Variants in SIDT1 observed in about 807,000 individuals in gnomAD.
SIDT1 encodes the protein SID1 transmembrane family, member 1.
SIDT1 carries 101 observed loss-of-function variants against 107.5 expected under a neutral mutation model. The ratio of observed to expected loss-of-function variants is 0.94; its 90% CI spans 0.80 to 1.11. The LOEUF (loss-of-function observed/expected upper bound fraction) is 1.11. Ranked by LOEUF, SIDT1 falls within the 50% of genes least tolerant of loss-of-function variation. SIDT1 has a pLI of 0.00. For missense variants in SIDT1, 1,076 were observed against 1,058.2 expected (o/e 1.02, Z -0.23); for synonymous variants, 395 against 398.2 (o/e 0.99, Z 0.10).
At chr3:113,571,414 C>G (rs1942434893) in intron 3 of SIDT1, among the ~76,000 whole-genome samples, 1 of 151,924 alleles carries the variant, frequency 6.6e-6, no homozygotes, top group Non-Finnish European at 1.5e-5. Flanking sequence ...GAGACCCCAT[C>G]TCTGCAAAAT....
At chr3:113,586,095 T>TACA (rs1220990190) in intron 9 of SIDT1, among the ~76,000 whole-genome samples, 76 of 152,320 alleles carry the variant, frequency 5.0e-4, no homozygotes, top group African/African-American at 1.7e-3. Context: ...ACCTCAGTGA[T>TACA]ACAACTACGT....
chr3:113,622,941 G>A (rs963002812), intron 21 of SIDT1, among the ~76,000 whole-genome samples: 9 of 151,904 alleles, frequency 5.9e-5, no homozygotes, highest in African/African-American at 2.2e-4. Context: ...TAATCCCAGG[G>A]CTTTGGGAGG....
At chr3:113,588,268 G>C (rs1005719038) in intron 9 of SIDT1, among the ~76,000 whole-genome samples, 1 of 152,196 alleles carries the variant, frequency 6.6e-6, no homozygotes. Context: ...TATAGACAAA[G>C]TGGAAATAGA....
chr3:113,544,557 AG>A (rs1289895753), intron 1 of SIDT1, among the ~76,000 whole-genome samples: 2 of 152,144 alleles, frequency 1.3e-5, no homozygotes, highest in Non-Finnish European at 2.9e-5. Flanking sequence ...GTCTTTCAGG[AG>A]TTCAACATTT....
Position 113,601,620 on chromosome 3 carries a change from G to C in SIDT1, c.1078G>C (p.Ala360Pro). Residue 360 changes from alanine (A) to proline (P), a missense_variant, in exon 11 of 25, where the codon GCT becomes CCT. Ala to Pro is a conservative substitution (Grantham distance 27, BLOSUM62 -1). Coordinates refer to ENST00000264852, the MANE Select transcript of SIDT1 (RefSeq NM_017699.3). ...AAATATGGTGGCATCTCATCCCATT[G>C]CTGCCAGCACACCCGAAGGGAGCAA... ...SGNMVASHPI[A>P]ASTPEGSNYG... is the part of the protein sequence containing the mutation. 9 of 1,613,860 alleles carry C rather than the reference G, an allele frequency of 5.6e-6. No homozygotes were observed. Among genetic ancestry groups the C allele is most frequent in the Non-Finnish European group, 7.6e-6 (9 of 1,179,830 alleles).
intron 7 of SIDT1, among the ~76,000 whole-genome samples, chr3:113,584,204 G>C (rs1330051767): frequency 6.6e-6 from 1 of 152,218 alleles, no homozygotes; most frequent in East Asian, 1.9e-4. Context: ...ATTTCTCCTA[G>C]TGTGTTCTTT....
At chr3:113,611,980 T>C (rs1269748736) in intron 18 of SIDT1, 106 bp from the exon 19 acceptor site, 16 of 747,992 alleles carry the variant, frequency 2.1e-5, no homozygotes, top group Admixed American at 1.1e-4. Flanking sequence ...AAATAGAATG[T>C]GCACACAGCT....
Position 113,586,993 on chromosome 3 carries a change from T to C in SIDT1, c.1001+1723T>C, listed in dbSNP as rs79900285. On this transcript the variant is annotated intron_variant, in intron 9 of 24. Transcript: ENST00000264852. ...GAAAAATATTCAACAAAGGACATTA[T>C]TGAGTCAATTGACAAAACTGGAATA... is the stretch of plus-strand genomic sequence containing the variant. 8.3e-3 allele frequency among the ~76,000 whole-genome samples: 1,266 copies of C among 152,314 alleles called. 17 individuals carry two copies. Among genetic ancestry groups the C allele is most frequent in the African/African-American group, 0.028 (1,179 of 41,564 alleles).
At chr3:113,579,236 G>C (rs1221455132) in intron 4 of SIDT1, among the ~76,000 whole-genome samples, 1 of 152,124 alleles carries the variant, frequency 6.6e-6, no homozygotes, top group South Asian at 2.1e-4. Flanking sequence ...TGTCAGGCAG[G>C]GGTCAAAAAC....
In SIDT1 at chr3:113,581,380, A is replaced by G; in HGVS notation, c.683A>G (p.Asp228Gly). 1.9e-6 allele frequency: 3 copies of G among 1,613,218 alleles called. No homozygotes were observed. Among genetic ancestry groups the G allele is most frequent in the Non-Finnish European group, 2.5e-6 (3 of 1,179,654 alleles). The change falls in exon 6 of 25, where the codon GAC becomes GGC. Residue 228 changes from aspartate (D) to glycine (G), a missense_variant. Physicochemically the swap from Asp to Gly is moderately conservative, Grantham distance 94. Transcript: ENST00000264852. ...CTGCAGTGCCCGGTGTATGATCTCGACCACAATGTGGAATTTAATGGTGTC... is the reference window on the plus strand; with the variant it reads ...CTGCAGTGCCCGGTGTATGATCTCGGCCACAATGTGGAATTTAATGGTGTC... ...QNIMCPVYDLDHNVEFNGVYQ... is the reference protein window; with the variant it reads ...QNIMCPVYDLGHNVEFNGVYQ...
At chr3:113,565,934 G>C (rs1941860312) in intron 1 of SIDT1, among the ~76,000 whole-genome samples, 1 of 152,134 alleles carries the variant, frequency 6.6e-6, no homozygotes, top group Admixed American at 6.5e-5. Flanking sequence ...GGGTGGCTTT[G>C]TGTGTGTTGT....
At position 113,587,154 on chromosome 3, in the gene SIDT1, C is replaced by G. The variant is rs73855955; in HGVS notation, c.1001+1884C>G. Among the ~76,000 whole-genome samples the G allele has an allele frequency of 4.2e-3, 643 of 152,032 alleles. 2 individuals are homozygous for G. Among genetic ancestry groups the G allele is most frequent in the African/African-American group, 0.015 (620 of 41,482 alleles). ...TTAGGTCTTGGTTGTATGCAAGTTA[C>G]TTTCAAATGGTCCAGGAAAAAAAAG... On this transcript the variant is annotated intron_variant, in intron 9 of 24. Transcript: ENST00000264852.
rs765940791 is a variant in SIDT1, at chr3:113,532,722, C to T, written c.-300C>T. 30 of 332,008 alleles carry T rather than the reference C, an allele frequency of 9.0e-5. No homozygotes were observed. The highest frequency in any genetic ancestry group is 1.4e-4 in the Non-Finnish European group (26 of 183,998). 20.6% of individuals were successfully genotyped at this position (332,008 alleles called of 1,614,324 possible). On this transcript the variant is annotated 5_prime_UTR_variant, in exon 1 of 25. Transcript: ENST00000264852. Reference sequence around the variant, plus strand: ...CTGGCTGGGTAAGTGGGGGGATTCTCGGCGATGAGAAACGGGGGACTTAGA... The same window carrying T: ...CTGGCTGGGTAAGTGGGGGGATTCTTGGCGATGAGAAACGGGGGACTTAGA...
downstream of SIDT1, among the ~76,000 whole-genome samples, chr3:113,631,345 C>T (rs545257688): frequency 5.6e-4 from 85 of 151,984 alleles, no homozygotes; most frequent in African/African-American, 2.0e-3. Context: ...GGTGACAAAA[C>T]AGTCTCTGAA....
At chr3:113,598,533 A>G (rs1232340152) in intron 10 of SIDT1, among the ~76,000 whole-genome samples, 1 of 152,216 alleles carries the variant, frequency 6.6e-6, no homozygotes, top group African/African-American at 2.4e-5. Flanking sequence ...ATCATGTTGT[A>G]CATCTTAATA....
chr3:113,632,235 A>G (rs1256400450), downstream of SIDT1, among the ~76,000 whole-genome samples: 3 of 152,242 alleles, frequency 2.0e-5, no homozygotes, highest in Non-Finnish European at 2.9e-5. Flanking sequence ...TACAATCTCA[A>G]CATGGCTCAC....
chr3:113,624,622 A>G (rs1946715971), intron 23 of SIDT1, among the ~76,000 whole-genome samples: 1 of 152,136 alleles, frequency 6.6e-6, no homozygotes, highest in Non-Finnish European at 1.5e-5. Flanking sequence ...CATCGTTACC[A>G]TTTTAAAATG....
intron 10 of SIDT1, among the ~76,000 whole-genome samples, chr3:113,598,211 G>A (rs1274818089): frequency 6.6e-6 from 1 of 152,190 alleles, no homozygotes; most frequent in Non-Finnish European, 1.5e-5. Flanking sequence ...TCAGTGATGA[G>A]CCAGAGCAGA....
intron 1 of SIDT1, among the ~76,000 whole-genome samples, chr3:113,543,004 C>T (rs535920848): frequency 1.0e-3 from 154 of 151,830 alleles, no homozygotes; most frequent in Non-Finnish European, 1.8e-3. Context: ...TGCAGTGGCG[C>T]GATCTTGGCT....
Sources: gnomAD v4.1 joint callset for allele counts (sites outside exome capture counted in the v4.1 genomes callset) on GRCh38, gnomAD v4.1.1 for gene constraint, MANE v1.5 for transcripts, NCBI Gene and HGNC (gene_info 2026-07-23, HGNC 2026-07-21) for gene names.